Variants in SUSD6 observed in about 807,000 individuals in gnomAD.
SUSD6 encodes sushi domain containing 6.
Under a neutral mutation model 28.4 loss-of-function variants are expected in SUSD6, and 16 were observed. That is an observed-to-expected ratio of 0.56 (90% CI 0.38 to 0.86). The LOEUF is 0.86. Among genes scored for constraint, SUSD6 ranks in the 40% least tolerant of loss-of-function variants. The pLI, the probability that SUSD6 is intolerant of heterozygous loss-of-function variation, is 0.00. For synonymous variants in SUSD6, 147 were observed against 159.6 expected, an observed-to-expected ratio of 0.92 and a Z score of 0.59; for missense variants, 341 against 384.2, an observed-to-expected ratio of 0.89 and a Z score of 0.94.
chr14:69,640,411 G>A (rs1464801322), intron 1 of SUSD6, among the ~76,000 whole-genome samples: 1 of 151,958 alleles, frequency 6.6e-6, no homozygotes, highest in Non-Finnish European at 1.5e-5. Flanking sequence ...ATAGCTTACT[G>A]TAACCTCGAA....
chr14:69,710,049 G>A (rs1886441054), intron 5 of SUSD6, among the ~76,000 whole-genome samples: 1 of 152,188 alleles, frequency 6.6e-6, no homozygotes, highest in African/African-American at 2.4e-5. Flanking sequence ...GGAGCTTCCT[G>A]GTTATCAACA....
chr14:69,660,261 C>G (rs1885643168), intron 2 of SUSD6, among the ~76,000 whole-genome samples: 2 of 152,008 alleles, frequency 1.3e-5, no homozygotes, highest in South Asian at 4.1e-4. Context: ...TCTTTTTTTT[C>G]TTTTCTTTTC....
At chr14:69,612,958 C>G (rs1884903466) in intron 1 of SUSD6, among the ~76,000 whole-genome samples, 1 of 152,132 alleles carries the variant, frequency 6.6e-6, no homozygotes, top group Admixed American at 6.5e-5. Flanking sequence ...TTGGGAATTC[C>G]ACACCCAAAC....
chr14:69,699,168 A>T (rs1886276189), intron 2 of SUSD6, among the ~76,000 whole-genome samples: 1 of 152,166 alleles, frequency 6.6e-6, no homozygotes, highest in Non-Finnish European at 1.5e-5. Flanking sequence ...GCTCTTGGTC[A>T]AGAGGATCAT....
At chr14:69,684,741 G>C (rs758303476) in intron 2 of SUSD6, among the ~76,000 whole-genome samples, 3 of 152,246 alleles carry the variant, frequency 2.0e-5, no homozygotes, top group Non-Finnish European at 2.9e-5. Context: ...GGGCAGGTCA[G>C]GCCGAGGCTC....
chr14:69,613,271 A>C (rs1884909097), intron 1 of SUSD6, among the ~76,000 whole-genome samples: 1 of 152,222 alleles, frequency 6.6e-6, no homozygotes, highest in African/African-American at 2.4e-5. Flanking sequence ...CCCAAACCAA[A>C]CAAGTTAAAT....
rs942824975 is a variant in SUSD6 at position 69,715,085 on chromosome 14, A to T, written c.*4106A>T. On this transcript the variant is annotated 3_prime_UTR_variant, in exon 6 of 6. Coordinates refer to ENST00000342745, the MANE Select transcript of SUSD6 (RefSeq NM_014734.4). ...TTGTACAAAGTTTAATTTAATTTTA[A>T]TTGTTCTATGTATATAACTGCATTT... The T allele has an allele frequency of 1.1e-4, 16 of 152,132 alleles. No individual in the cohort carries two copies. The highest frequency in any genetic ancestry group is 2.4e-4 in the Non-Finnish European group (16 of 68,026). 9.4% of individuals were successfully genotyped at this position (152,132 alleles called of 1,614,324 possible).
chr14:69,673,939 G>A (rs1249245743), intron 2 of SUSD6, among the ~76,000 whole-genome samples: 1 of 152,206 alleles, frequency 6.6e-6, no homozygotes, highest in Non-Finnish European at 1.5e-5. Context: ...TACCCTGACA[G>A]CTTCCTCCTC....
Position 69,708,740 on chromosome 14 carries a change from A to T in SUSD6, c.522A>T (p.Leu174=). 1.2e-6 allele frequency: 2 copies of T among 1,613,274 alleles called. No homozygotes were observed. Among genetic ancestry groups the T allele is most frequent in the Non-Finnish European group, 1.7e-6 (2 of 1,179,568 alleles). ...SIMVDGVQVA[L]PSYEEAVYGS... is the part of the protein sequence containing the mutation. Reference sequence around the variant, plus strand: ...TGGTGGATGGAGTCCAGGTTGCACTACCATCATACGAGGAGGCTGTATATG... The same window carrying T: ...TGGTGGATGGAGTCCAGGTTGCACTTCCATCATACGAGGAGGCTGTATATG... The change falls in exon 5 of 6, where the codon CTA becomes CTT. Residue 174 remains leucine, a synonymous_variant. Coordinates refer to ENST00000342745, the MANE Select transcript of SUSD6 (RefSeq NM_014734.4).
chr14:69,635,997 A>G (rs1252451824), intron 1 of SUSD6, among the ~76,000 whole-genome samples: 25 of 152,228 alleles, frequency 1.6e-4, no homozygotes, highest in Non-Finnish European at 1.8e-4. Context: ...GAATTTAGTA[A>G]GTTGGTTTAA....
chr14:69,617,962 G>A lies in SUSD6; in HGVS notation c.-81+6134G>A, dbSNP rs146284447. Among the ~76,000 whole-genome samples, 422 of 152,326 alleles carry A rather than the reference G, an allele frequency of 2.8e-3. 3 individuals carry two copies. Among genetic ancestry groups the A allele is most frequent in the Non-Finnish European group, 4.9e-3 (335 of 68,024 alleles). On this transcript the variant is annotated intron_variant, in intron 1 of 5. Coordinates refer to ENST00000342745, the MANE Select transcript of SUSD6 (RefSeq NM_014734.4). ...TCCAGGTGGACCTCAGGTGTAACCCGAGGTTAAAAACAGATCATGCCAGAC... is the reference window on the plus strand; with the variant it reads ...TCCAGGTGGACCTCAGGTGTAACCCAAGGTTAAAAACAGATCATGCCAGAC...
chr14:69,692,543 T>TA (rs1886167872), intron 2 of SUSD6, among the ~76,000 whole-genome samples: 1 of 152,344 alleles, frequency 6.6e-6, no homozygotes, highest in African/African-American at 2.4e-5. Flanking sequence ...TTTAATAGGA[T>TA]AACACTTTTA....
chr14:69,626,254 A>T (rs1396688015), intron 1 of SUSD6, among the ~76,000 whole-genome samples: 2 of 151,978 alleles, frequency 1.3e-5, no homozygotes, highest in African/African-American at 4.8e-5. Flanking sequence ...TTTACAGTAT[A>T]CTTCTTATCC....
intron 2 of SUSD6, among the ~76,000 whole-genome samples, chr14:69,683,513 G>A (rs1229870352): frequency 7.9e-5 from 12 of 152,148 alleles, no homozygotes; most frequent in Admixed American, 7.9e-4. Flanking sequence ...ATTATGGATT[G>A]GGTCTGAGTT....
intron 5 of SUSD6, 87 bp from the exon 6 acceptor site, chr14:69,710,867 G>C (rs1886451992): frequency 3.5e-5 from 44 of 1,241,496 alleles, no homozygotes; most frequent in Non-Finnish European, 4.6e-5. Flanking sequence ...GGCTATGTAG[G>C]ATAGCCCCTA....
At chr14:69,666,953 G>A (rs1333005527) in intron 2 of SUSD6, among the ~76,000 whole-genome samples, 1 of 152,142 alleles carries the variant, frequency 6.6e-6, no homozygotes, top group African/African-American at 2.4e-5. Context: ...TTGTTATTCT[G>A]AGTAACAAGT....
intron 1 of SUSD6, among the ~76,000 whole-genome samples, chr14:69,638,423 AGTGTGTGTGTGTGT>A (rs10637124): frequency 2.2e-5 from 3 of 139,242 alleles, no homozygotes; most frequent in Non-Finnish European, 3.1e-5. Context: ...TGGGGTGGGG[AGTGTGTGTGTGTGT>A]GTGTGTGTGT....
At chr14:69,639,313 C>CAA (rs57837741) in intron 1 of SUSD6, among the ~76,000 whole-genome samples, 33,539 of 54,172 alleles carry the variant, frequency 0.62, 12,740 homozygotes, top group East Asian at 0.8. Flanking sequence ...GACTCCGTCT[C>CAA]AAAAAAAAAA....
intron 5 of SUSD6, among the ~76,000 whole-genome samples, chr14:69,710,458 C>T (rs1022366712): frequency 3.9e-5 from 6 of 152,232 alleles, no homozygotes; most frequent in African/African-American, 1.4e-4. Flanking sequence ...AAACAAGACA[C>T]ATTAAGTCAG....
Sources: allele counts gnomAD v4.1 joint callset (sites outside exome capture counted in the v4.1 genomes callset), GRCh38; gene constraint gnomAD v4.1.1; transcripts MANE v1.5; gene names NCBI Gene and HGNC (gene_info 2026-07-23, HGNC 2026-07-21).